The following PDE8A variants were observed in gnomAD, a reference collection of about 807,000 sequenced individuals.
PDE8A encodes high affinity cAMP-specific and IBMX-insensitive 3',5'-cyclic phosphodiesterase 8A.
PDE8A carries 59 observed loss-of-function variants against 105.0 expected under a neutral mutation model. That is an observed-to-expected ratio of 0.56 (90% confidence interval 0.46 to 0.70). PDE8A has a LOEUF of 0.70. PDE8A is among the 30% of genes least tolerant of loss of function. The probability of loss-of-function intolerance (pLI) is 0.00; values close to 1 mark genes in which losing one functional copy is unlikely to be tolerated. For missense variants in PDE8A, 1,014 were observed against 1,045.9 expected, an observed-to-expected ratio of 0.97 and a Z score of 0.42; for synonymous variants, 355 against 371.9, an observed-to-expected ratio of 0.95 and a Z score of 0.52.
intron 1 of PDE8A, among the ~76,000 whole-genome samples, chr15:85,040,568 T>TTTTC (rs1002735969): frequency 3.4e-5 from 5 of 149,252 alleles, no homozygotes; most frequent in African/African-American, 1.2e-4. Flanking sequence ...ATGTATTTTT[T>TTTTC]TTTTTTTTTT....
chr15:84,982,087 CCCGGAGGCGCCGGGTGGG>C lies in PDE8A; in HGVS notation c.-72_-55del, dbSNP rs2079719856. ...GGCGATGACACGGCGCCCGCGGCGGCCCGGAGGCGCCGGGTGGGCCGTTTGCTGACCGGATCGCGGCTA... is the reference window on the plus strand; with the variant it reads ...GGCGATGACACGGCGCCCGCGGCGGCCCGTTTGCTGACCGGATCGCGGCTA... On this transcript the variant is annotated 5_prime_UTR_variant, in exon 1 of 22. Transcript: ENST00000394553. The C allele has an allele frequency of 1.0e-6, 1 of 995,896 alleles. No individual in the cohort carries two copies. Among genetic ancestry groups the C allele is most frequent in the African/African-American group, 1.7e-5 (1 of 58,910 alleles). 61.7% of individuals were successfully genotyped at this position (995,896 alleles called of 1,614,324 possible).
chr15:85,121,381 C>T (rs1250602974), intron 18 of PDE8A, among the ~76,000 whole-genome samples: 1 of 152,234 alleles, frequency 6.6e-6, no homozygotes, highest in Non-Finnish European at 1.5e-5. Flanking sequence ...CGTGATCACA[C>T]CACTGCACTC....
intron 3 of PDE8A, among the ~76,000 whole-genome samples, chr15:85,073,797 TGTGTCTGTGA>T (rs1270291495): frequency 6.6e-6 from 1 of 152,246 alleles, no homozygotes; most frequent in Non-Finnish European, 1.5e-5. Flanking sequence ...GTGCACTAGC[TGTGTCTGTGA>T]GTGTCTGTTG....
chr15:85,128,320 G>GA (rs1198009371), intron 20 of PDE8A, among the ~76,000 whole-genome samples: 1 of 152,076 alleles, frequency 6.6e-6, no homozygotes, highest in African/African-American at 2.4e-5. Flanking sequence ...GCCTCAGCAA[G>GA]ATAATGAGAC....
At chr15:85,032,948 A>G in intron 1 of PDE8A, among the ~76,000 whole-genome samples, 1 of 152,184 alleles carries the variant, frequency 6.6e-6, no homozygotes, top group South Asian at 2.1e-4. Context: ...TTTATGGAGG[A>G]AAAAAGTGCA....
Position 85,112,012 on chromosome 15 carries a change from T to A in PDE8A, c.1115-1365T>A, listed in dbSNP as rs540886854. Among the ~76,000 whole-genome samples, 91 of 152,280 alleles carry A rather than the reference T, an allele frequency of 6.0e-4. No individual in the cohort carries two copies. In the Middle Eastern group the frequency reaches 0.017, roughly 29 times the overall value. On this transcript the variant is annotated intron_variant, in intron 12 of 21. Transcript: ENST00000394553. ...GTTATAGAAATACAACTGATTTTTGTATATTGACTTTGTATATCTAGGAGC... is the reference window on the plus strand; with the variant it reads ...GTTATAGAAATACAACTGATTTTTGAATATTGACTTTGTATATCTAGGAGC...
At chr15:85,038,443 G>A (rs990801055) in intron 1 of PDE8A, among the ~76,000 whole-genome samples, 2 of 151,884 alleles carry the variant, frequency 1.3e-5, no homozygotes, top group African/African-American at 2.4e-5. Context: ...AGTGCTTTTC[G>A]TATCTGGTTA....
At chr15:85,078,615 A>G (rs2081417674) in intron 5 of PDE8A, among the ~76,000 whole-genome samples, 1 of 152,004 alleles carries the variant, frequency 6.6e-6, no homozygotes, top group Admixed American at 6.6e-5. Context: ...CCTAGCATAC[A>G]TATCTTTCAA....
chr15:85,076,025 T>C, intron 4 of PDE8A, 107 bp downstream of exon 4: 1 of 595,064 alleles, frequency 1.7e-6, no homozygotes, highest in Non-Finnish European at 3.0e-6. Flanking sequence ...TGCCCCTTTG[T>C]AGTGTGGCCT....
chr15:85,009,102 AGAGAGAGAGT>A (rs974461400), intron 1 of PDE8A, among the ~76,000 whole-genome samples: 2 of 76,654 alleles, frequency 2.6e-5, no homozygotes, highest in African/African-American at 1.1e-4. Context: ...AGAGAGAGAG[AGAGAGAGAGT>A]GTGTGTGTGT....
intron 1 of PDE8A, among the ~76,000 whole-genome samples, chr15:85,005,090 A>G (rs991425134): frequency 8.6e-5 from 13 of 151,992 alleles, no homozygotes; most frequent in African/African-American, 2.4e-4. Context: ...CATTTGTTTT[A>G]TAGCTGGGTA....
Position 84,985,473 on chromosome 15 carries a change from A to G in PDE8A, c.186+3125A>G, listed in dbSNP as rs2142138844. Among the ~76,000 whole-genome samples, 2 of 152,266 alleles carry G rather than the reference A, an allele frequency of 1.3e-5. 1 individual carries two copies. The highest frequency in any genetic ancestry group is 4.1e-4 in the South Asian group (2 of 4,822). On this transcript the variant is annotated intron_variant, in intron 1 of 21. Coordinates refer to ENST00000394553, the MANE Select transcript of PDE8A (RefSeq NM_002605.3). ...TGTAACATTTTAATATTTTCTTGCC[A>G]GTCTTTGGATTTACCCCATTTCCAC...
chr15:85,089,483 A>C, intron 7 of PDE8A, 67 bp downstream of exon 7: 1 of 820,212 alleles, frequency 1.2e-6, no homozygotes, highest in Non-Finnish European at 2.0e-6. Context: ...TTAGGATTGA[A>C]CCTCTCCAAT....
intron 17 of PDE8A, among the ~76,000 whole-genome samples, chr15:85,118,740 C>G (rs142135748): frequency 6.6e-6 from 1 of 152,228 alleles, no homozygotes; most frequent in Non-Finnish European, 1.5e-5. Flanking sequence ...CCTGTTGCTC[C>G]CTTGACTGGG....
chr15:85,033,046 A>G (rs1185667037), intron 1 of PDE8A, among the ~76,000 whole-genome samples: 1 of 152,220 alleles, frequency 6.6e-6, no homozygotes, highest in Non-Finnish European at 1.5e-5. Context: ...AGAAACAGAA[A>G]TGAAAACTCC....
chr15:84,997,670 G>A (rs1042662148), intron 1 of PDE8A, among the ~76,000 whole-genome samples: 9 of 151,800 alleles, frequency 5.9e-5, no homozygotes, highest in African/African-American at 2.2e-4. Flanking sequence ...TTGGCTCACC[G>A]CAATCCCTGC....
intron 1 of PDE8A, among the ~76,000 whole-genome samples, chr15:85,034,275 T>C (rs2080666382): frequency 6.6e-6 from 1 of 152,226 alleles, no homozygotes. Flanking sequence ...CATTTTTCTA[T>C]GTTAGAAATC....
chr15:85,045,776 G>T (rs2080877516), intron 1 of PDE8A, among the ~76,000 whole-genome samples: 1 of 152,232 alleles, frequency 6.6e-6, no homozygotes. Flanking sequence ...GGTATCTCCT[G>T]ACTCTTTCCA....
At chr15:85,117,147 G>T (rs2082109087) in intron 16 of PDE8A, among the ~76,000 whole-genome samples, 3 of 152,222 alleles carry the variant, frequency 2.0e-5, no homozygotes, top group Admixed American at 6.5e-5. Flanking sequence ...CTCCAGAAAG[G>T]TGGGTGTTGA....
Sources: allele counts gnomAD v4.1 joint callset (sites outside exome capture counted in the v4.1 genomes callset), GRCh38; gene constraint gnomAD v4.1.1; transcripts MANE v1.5; gene names NCBI Gene and HGNC (gene_info 2026-07-23, HGNC 2026-07-21).